The following CFHR3 variants were observed in gnomAD, a reference collection of about 807,000 sequenced individuals.
CFHR3 encodes the protein complement factor H-related protein 3.
Under a neutral mutation model 36.0 loss-of-function variants are expected in CFHR3, and 22 were observed. That is an observed-to-expected ratio of 0.61 (90% confidence interval 0.44 to 0.87). The LOEUF (loss-of-function observed/expected upper bound fraction) is 0.87. CFHR3 is among the 40% of genes least tolerant of loss of function. The pLI, the probability that CFHR3 is intolerant of heterozygous loss-of-function variation, is 0.00. For missense variants in CFHR3, 276 were observed against 401.3 expected (o/e 0.69, Z 2.67); for synonymous variants, 97 against 137.4 (o/e 0.71, Z 2.06).
chr1:196,779,778 A>G lies in CFHR3; in HGVS notation c.254-19A>G. The G allele has an allele frequency of 6.7e-7, 1 of 1,495,910 alleles. No individual in the cohort carries two copies. The highest frequency in any genetic ancestry group is 9.0e-7 in the Non-Finnish European group (1 of 1,111,168). 92.7% of individuals were successfully genotyped at this position (1,495,910 alleles called of 1,614,324 possible). A position where few individuals can be genotyped will look rare whatever the true frequency, so the allele number is the denominator to read the frequency against. On this transcript the variant is annotated intron_variant, in intron 2 of 5. Transcript: ENST00000367425. ...TGTTTCTCATTTACTTTATTTATTT[A>G]TCATTGCTATGTCCTTAGGAAAATG...
rs186971256 is a variant in CFHR3, at chr1:196,789,126, G to T, written c.613+728G>T. 2.9e-5 allele frequency: 29 copies of T among 1,006,782 alleles called. 5 individuals are homozygous for T. The highest frequency in any genetic ancestry group is 4.9e-4 in the Middle Eastern group (1 of 2,026). 62.4% of individuals were successfully genotyped at this position (1,006,782 alleles called of 1,614,324 possible). On this transcript the variant is annotated intron_variant, in intron 4 of 5. Transcript: ENST00000367425. ...TTTCCTCTTTATATATTCACAAAGA[G>T]TTTTAAAGATAAATTGCTGAATGTA...
intron 5 of CFHR3, among the ~76,000 whole-genome samples, chr1:196,790,974 C>G (rs2124864605): frequency 7.3e-6 from 1 of 136,146 alleles, no homozygotes; most frequent in East Asian, 2.0e-4. Context: ...AGTTTTCAAA[C>G]AGTTCTGAAA....
chr1:196,786,108 A>G (rs1654186786), intron 3 of CFHR3, among the ~76,000 whole-genome samples: 1 of 136,864 alleles, frequency 7.3e-6, no homozygotes, highest in Non-Finnish European at 1.5e-5. Context: ...CAGTGGCTGC[A>G]GAACAGCGGA....
At chr1:196,789,329 TA>T in intron 4 of CFHR3, 1 of 887,432 alleles carries the variant, frequency 1.1e-6, no homozygotes, top group Non-Finnish European at 1.3e-6. Flanking sequence ...ACAAAGTGAT[TA>T]TCTCAATGTT....
Position 196,788,909 on chromosome 1 carries a change from A to G in CFHR3, c.613+511A>G, listed in dbSNP as rs1283760929. ...CCAATCAAAAAATTATCTCTACCCT[A>G]TTGTTTACTACAGAGAAAACAAGTA... On this transcript the variant is annotated intron_variant, in intron 4 of 5. Coordinates refer to ENST00000367425, the MANE Select transcript of CFHR3 (RefSeq NM_021023.6). The G allele has an allele frequency of 1.6e-5, 23 of 1,418,466 alleles. 3 individuals carry two copies. Among genetic ancestry groups the G allele is most frequent in the Admixed American group, 6.5e-5 (3 of 46,504 alleles). The allele number at this position is 1,418,466 out of a possible 1,614,324, so 87.9% of individuals were successfully genotyped here.
rs759805364 is a variant in CFHR3 at position 196,779,981 on chromosome 1, C to T, written c.430+8C>T. On this transcript the variant is annotated splice_region_variant and intron_variant, in intron 3 of 5. Coordinates refer to ENST00000367425, the MANE Select transcript of CFHR3 (RefSeq NM_021023.6). Reference sequence around the variant, plus strand: ...CCAGATGCATCCGTGTCAGTAAGTACACCGCTCTGAGATCCCAGCATGTTC... The same window carrying T: ...CCAGATGCATCCGTGTCAGTAAGTATACCGCTCTGAGATCCCAGCATGTTC... 2 of 1,532,552 alleles carry T rather than the reference C, an allele frequency of 1.3e-6. No individual in the cohort carries two copies. Among genetic ancestry groups the T allele is most frequent in the East Asian group, 4.5e-5 (2 of 44,658 alleles). 94.9% of individuals were successfully genotyped at this position (1,532,552 alleles called of 1,614,324 possible).
Position 196,779,862 on chromosome 1 carries a change from G to T in CFHR3, c.319G>T (p.Gly107Cys), listed in dbSNP as rs769199684. The change falls in exon 3 of 6, where the codon GGT becomes TGT. Residue 107 changes from glycine (G) to cysteine (C), a missense_variant. Around this residue, in one of 3 missense-constraint regions of CFHR3, gnomAD observed 178 missense variants for 247.2 expected, o/e 0.72. Transcript: ENST00000367425. ...NQNYGRKFVQ[G>C]NSTEVACHPG... ...AAATTATGGAAGAAAGTTTGTACAG[G>T]GTAACTCTACAGAAGTTGCCTGCCA... is the stretch of plus-strand genomic sequence containing the variant. 2.6e-6 allele frequency: 4 copies of T among 1,532,670 alleles called. No homozygotes were observed. The East Asian group carries it at 6.7e-5, about 26-fold the overall frequency. 94.9% of individuals were successfully genotyped at this position (1,532,670 alleles called of 1,614,324 possible).
chr1:196,776,556 T>C (rs1653728669), intron 1 of CFHR3, among the ~76,000 whole-genome samples: 1 of 136,046 alleles, frequency 7.4e-6, no homozygotes, highest in Non-Finnish European at 1.6e-5. Context: ...GGTGTCCATA[T>C]AAGAAGAGAA....
intron 1 of CFHR3, among the ~76,000 whole-genome samples, chr1:196,776,199 GA>G: frequency 7.6e-6 from 1 of 130,778 alleles, no homozygotes; most frequent in East Asian, 2.1e-4. Flanking sequence ...AAGCACTATA[GA>G]AAAGAATGAT....
At chr1:196,785,076 T>C (rs1573116990) in intron 3 of CFHR3, among the ~76,000 whole-genome samples, 1 of 136,176 alleles carries the variant, frequency 7.3e-6, no homozygotes, top group South Asian at 2.6e-4. Flanking sequence ...TTAGTTTGGC[T>C]GGATATGAAA....
At chr1:196,781,677 A>T (rs1322528712) in intron 3 of CFHR3, among the ~76,000 whole-genome samples, 1 of 134,366 alleles carries the variant, frequency 7.4e-6, no homozygotes, top group East Asian at 2.0e-4. Context: ...AATTTGTTTG[A>T]GTTCATTGTA....
At chr1:196,789,389 T>G (rs1221383532) in intron 4 of CFHR3, 1 of 898,112 alleles carries the variant, frequency 1.1e-6, no homozygotes, top group African/African-American at 2.3e-5. Context: ...TAGAATACTG[T>G]TTTCAATTTC....
At position 196,793,530 on chromosome 1, in the gene CFHR3, T is replaced by A; in HGVS notation, c.*17T>A. On this transcript the variant is annotated 3_prime_UTR_variant, in exon 6 of 6. Transcript: ENST00000367425. The stretch of plus-strand genomic sequence containing the variant: ...TGCGAATAAGGCAGCATTGTTACCC[T>A]AAATGTATGTCCAACTTCCACTTTT... 1 of 1,511,728 alleles carries A rather than the reference T, an allele frequency of 6.6e-7. No individual in the cohort carries two copies. The highest frequency in any genetic ancestry group is 1.7e-5 in the Admixed American group (1 of 57,846). 93.6% of individuals were successfully genotyped at this position (1,511,728 alleles called of 1,614,324 possible). A position where few individuals can be genotyped will look rare whatever the true frequency, so the allele number is the denominator to read the frequency against.
At position 196,795,175 on chromosome 1, in the gene CFHR3, C is replaced by T. The variant is rs1289758561; in HGVS notation, c.*1662C>T. ...TAATCACCATGCATCAAAGGTAGGG[C>T]CAGGTGGAGATAATGGAATCATGGG... On this transcript the variant is annotated 3_prime_UTR_variant, in exon 6 of 6. Transcript: ENST00000367425. 1.5e-5 allele frequency: 2 copies of T among 136,746 alleles called. No homozygotes were observed. The highest frequency in any genetic ancestry group is 3.9e-4 in the East Asian group (2 of 5,110). 8.5% of individuals were successfully genotyped at this position (136,746 alleles called of 1,614,324 possible).
At position 196,781,974 on chromosome 1, in the gene CFHR3, T is replaced by A. The variant is rs1335238465; in HGVS notation, c.430+2001T>A. Among the ~76,000 whole-genome samples, 4 of 137,414 alleles carry A rather than the reference T, an allele frequency of 2.9e-5. No homozygotes were observed. In the East Asian group the frequency reaches 7.8e-4, roughly 27 times the overall value. The allele number at this position is 137,414 out of a possible 152,430, so 90.1% of individuals were successfully genotyped here. A position where few individuals can be genotyped will look rare whatever the true frequency, so the allele number is the denominator to read the frequency against. On this transcript the variant is annotated intron_variant, in intron 3 of 5. Transcript: ENST00000367425. Reference sequence around the variant, plus strand: ...GTCTTTAATCCATCTTGAATTAATTTTTGTATAAGGTGTAAGGAAGGGATC... The same window carrying A: ...GTCTTTAATCCATCTTGAATTAATTATTGTATAAGGTGTAAGGAAGGGATC...
chr1:196,794,190 T>G lies in CFHR3; in HGVS notation c.*677T>G, dbSNP rs1654517712. 2 of 150,942 alleles carry G rather than the reference T, an allele frequency of 1.3e-5. 1 individual carries two copies. Among genetic ancestry groups the G allele is most frequent in the Admixed American group, 1.3e-4 (2 of 15,598 alleles). The allele number at this position is 150,942 out of a possible 1,614,324, so 9.4% of individuals were successfully genotyped here. A position where few individuals can be genotyped will look rare whatever the true frequency, so the allele number is the denominator to read the frequency against. The stretch of plus-strand genomic sequence containing the variant: ...GACACTTTAGGATGCTGAAGCCAGG[T>G]GCAGTGGCACACGCCTGTAATCCTA... On this transcript the variant is annotated 3_prime_UTR_variant, in exon 6 of 6. Coordinates refer to ENST00000367425, the MANE Select transcript of CFHR3 (RefSeq NM_021023.6).
intron 3 of CFHR3, among the ~76,000 whole-genome samples, chr1:196,780,803 AT>A (rs1653917122): frequency 7.6e-6 from 1 of 131,746 alleles, no homozygotes. Flanking sequence ...CTTTTTTTAT[AT>A]TTTATTATTA....
chr1:196,790,648 C>A (rs796246681), intron 5 of CFHR3, among the ~76,000 whole-genome samples: 1 of 134,834 alleles, frequency 7.4e-6, no homozygotes, highest in Non-Finnish European at 1.6e-5. Context: ...CATTTGAACC[C>A]GGGAGGCAGA....
chr1:196,786,132 C>T lies in CFHR3; in HGVS notation c.431-2084C>T, dbSNP rs1393058989. ...CAGAACAGCGGATTTTCATGAACCGCGAATGCTGCTGTATGATGGTTCCTC... is the reference window on the plus strand; with the variant it reads ...CAGAACAGCGGATTTTCATGAACCGTGAATGCTGCTGTATGATGGTTCCTC... On this transcript the variant is annotated intron_variant, in intron 3 of 5. Coordinates refer to ENST00000367425, the MANE Select transcript of CFHR3 (RefSeq NM_021023.6). Among the ~76,000 whole-genome samples, 6 of 136,306 alleles carry T rather than the reference C, an allele frequency of 4.4e-5. 2 individuals are homozygous for T. The highest frequency in any genetic ancestry group is 1.2e-4 in the African/African-American group (4 of 32,392). 89.4% of individuals were successfully genotyped at this position (136,306 alleles called of 152,430 possible). A position where few individuals can be genotyped will look rare whatever the true frequency, so the allele number is the denominator to read the frequency against.
Sources: gnomAD v4.1 joint callset for allele counts (sites outside exome capture counted in the v4.1 genomes callset) on GRCh38, gnomAD v4.1.1 for gene constraint, gnomAD v4.1.1 regional missense constraint, MANE v1.5 for transcripts, NCBI Gene and HGNC (gene_info 2026-07-23, HGNC 2026-07-21) for gene names.